The following ZBTB16 variants were observed in gnomAD, a reference collection of about 807,000 sequenced individuals.
ZBTB16 encodes the protein zinc finger and BTB domain-containing protein 16.
Under a neutral mutation model 56.8 loss-of-function variants are expected in ZBTB16, and 8 were observed. The ratio of observed to expected loss-of-function variants is 0.14; its 90% CI spans 0.08 to 0.25. The LOEUF is 0.25. Among genes scored for constraint, ZBTB16 ranks in the 10% least tolerant of loss-of-function variants. ZBTB16 has a pLI of 1.00. For synonymous variants in ZBTB16, 363 were observed against 368.5 expected, an observed-to-expected ratio of 0.98 and a Z score of 0.17; for missense variants, 625 against 903.0, an observed-to-expected ratio of 0.69 and a Z score of 3.95.
chr11:114,210,917 T>G (rs942130723), intron 4 of ZBTB16: 2 of 190,816 alleles, frequency 1.0e-5, no homozygotes, highest in Admixed American at 6.2e-5. Context: ...ATATGTTGAT[T>G]TTTTTTTTGT....
intron 4 of ZBTB16, among the ~76,000 whole-genome samples, chr11:114,220,654 A>G (rs1415404756): frequency 1.3e-5 from 2 of 152,212 alleles, no homozygotes; most frequent in East Asian, 3.9e-4. Flanking sequence ...TGGATGCTTG[A>G]TAGACATAGA....
chr11:114,084,220 C>G (rs1437485951), intron 2 of ZBTB16, among the ~76,000 whole-genome samples: 1 of 152,114 alleles, frequency 6.6e-6, no homozygotes, highest in Non-Finnish European at 1.5e-5. Context: ...GGATTGATCT[C>G]TCTCTTGCCT....
At chr11:114,205,784 C>T (rs1380282577) in intron 4 of ZBTB16, among the ~76,000 whole-genome samples, 1 of 152,218 alleles carries the variant, frequency 6.6e-6, no homozygotes, top group Non-Finnish European at 1.5e-5. Flanking sequence ...TTTCCATATT[C>T]ATTTTAGTTA....
At chr11:114,218,552 A>G (rs1211472777) in intron 4 of ZBTB16, among the ~76,000 whole-genome samples, 1 of 152,226 alleles carries the variant, frequency 6.6e-6, no homozygotes, top group Admixed American at 6.5e-5. Context: ...CAATCTATAA[A>G]TAAAGTCTTT....
chr11:114,159,940 G>GGA (rs200300651), intron 3 of ZBTB16, among the ~76,000 whole-genome samples: 1 of 148,062 alleles, frequency 6.8e-6, no homozygotes, highest in East Asian at 2.0e-4. Flanking sequence ...GGGGAGGCGG[G>GGA]GGGGAGGCGA....
At chr11:114,105,011 C>T (rs898438381) in intron 2 of ZBTB16, among the ~76,000 whole-genome samples, 2 of 152,152 alleles carry the variant, frequency 1.3e-5, no homozygotes, top group African/African-American at 4.8e-5. Context: ...GCTACTTAAC[C>T]CCTCGCCACC....
At chr11:114,207,596 C>G (rs1036757267) in intron 4 of ZBTB16, among the ~76,000 whole-genome samples, 224 of 146,644 alleles carry the variant, frequency 1.5e-3, no homozygotes, top group South Asian at 3.0e-3. Flanking sequence ...ACACAACACA[C>G]ACACACACAC....
chr11:114,070,359 C>T (rs971413742), intron 2 of ZBTB16, among the ~76,000 whole-genome samples: 25 of 152,114 alleles, frequency 1.6e-4, no homozygotes, highest in South Asian at 8.3e-4. Context: ...CCACCCGCCT[C>T]GGCCTCCCAA....
chr11:114,117,580 T>C (rs1484645470), intron 2 of ZBTB16, among the ~76,000 whole-genome samples: 1 of 152,056 alleles, frequency 6.6e-6, no homozygotes, highest in Non-Finnish European at 1.5e-5. Flanking sequence ...CCTGAGGTTT[T>C]GGCTTGGATA....
At chr11:114,140,288 C>G (rs1358516466) in intron 2 of ZBTB16, among the ~76,000 whole-genome samples, 2 of 152,214 alleles carry the variant, frequency 1.3e-5, no homozygotes, top group Non-Finnish European at 2.9e-5. Context: ...TTGATTCCCA[C>G]TCAGGCTGGG....
intron 4 of ZBTB16, among the ~76,000 whole-genome samples, chr11:114,194,320 C>T (rs1943561093): frequency 6.6e-6 from 1 of 152,186 alleles, no homozygotes; most frequent in Non-Finnish European, 1.5e-5. Context: ...CAATTCCAGC[C>T]TATCCAAGAG....
chr11:114,075,951 T>C (rs1321858095), intron 2 of ZBTB16, among the ~76,000 whole-genome samples: 2 of 152,180 alleles, frequency 1.3e-5, no homozygotes, highest in Non-Finnish European at 2.9e-5. Flanking sequence ...AGAACAGCAG[T>C]GTCTGACCTC....
At chr11:114,089,297 C>T (rs670955) in intron 2 of ZBTB16, among the ~76,000 whole-genome samples, 546 of 152,160 alleles carry the variant, frequency 3.6e-3, no homozygotes, top group Middle Eastern at 0.01. Context: ...TATTCAGTAT[C>T]TCTTGCTGGC....
At chr11:114,118,068 C>T (rs1220712434) in intron 2 of ZBTB16, among the ~76,000 whole-genome samples, 1 of 152,158 alleles carries the variant, frequency 6.6e-6, no homozygotes, top group Non-Finnish European at 1.5e-5. Flanking sequence ...GACTTAATCA[C>T]AGGACCCCAG....
At chr11:114,209,047 C>G (rs915759381) in intron 4 of ZBTB16, among the ~76,000 whole-genome samples, 1 of 152,104 alleles carries the variant, frequency 6.6e-6, no homozygotes, top group Non-Finnish European at 1.5e-5. Context: ...ATTTGAGAAC[C>G]AACCACTTGT....
chr11:114,153,585 A>G (rs767546664), intron 2 of ZBTB16, among the ~76,000 whole-genome samples: 3 of 152,208 alleles, frequency 2.0e-5, no homozygotes, highest in South Asian at 2.1e-4. Flanking sequence ...TAAAGGAGGA[A>G]ACTCAGGCCA....
intron 4 of ZBTB16, among the ~76,000 whole-genome samples, chr11:114,215,410 G>T (rs1944075986): frequency 6.6e-6 from 1 of 152,152 alleles, no homozygotes; most frequent in Non-Finnish European, 1.5e-5. Flanking sequence ...TGCCAGTCCA[G>T]GATGACCAAG....
At chr11:114,209,937 C>T in intron 4 of ZBTB16, 2 of 985,368 alleles carry the variant, frequency 2.0e-6, no homozygotes, top group Non-Finnish European at 1.2e-6. Flanking sequence ...GCCACAGGAA[C>T]AAAGAAATTT....
At chr11:114,087,326 G>A (rs1315345562) in intron 2 of ZBTB16, among the ~76,000 whole-genome samples, 1 of 152,122 alleles carries the variant, frequency 6.6e-6, no homozygotes, top group Non-Finnish European at 1.5e-5. Flanking sequence ...TCTACCTCTA[G>A]TTGTTTTTCG....
Sources: gnomAD v4.1 joint callset for allele counts (sites outside exome capture counted in the v4.1 genomes callset) on GRCh38, gnomAD v4.1.1 for gene constraint, MANE v1.5 for transcripts, NCBI Gene and HGNC (gene_info 2026-07-23, HGNC 2026-07-21) for gene names.